PLCB1: variants seen among roughly 807,000 people sequenced by gnomAD.
PLCB1 encodes the protein phospholipase C beta 1.
In PLCB1, 46 loss-of-function variants were observed where a neutral mutation model predicts 161.8. That is an observed-to-expected ratio of 0.28 (90% CI 0.22 to 0.36). The LOEUF (loss-of-function observed/expected upper bound fraction) is 0.36, where lower values mean the gene tolerates loss of function less well. PLCB1 is among the 10% of genes least tolerant of loss of function. The pLI, the probability that PLCB1 is intolerant of heterozygous loss-of-function variation, is 1.00. For missense variants in PLCB1, 1,016 were observed against 1,472.5 expected (o/e 0.69, Z 5.07); for synonymous variants, 517 against 503.7 (o/e 1.03, Z -0.35).
chr20:8,231,958 A>G (rs1980063719), intron 2 of PLCB1, among the ~76,000 whole-genome samples: 1 of 152,204 alleles, frequency 6.6e-6, no homozygotes, highest in African/African-American at 2.4e-5. Context: ...TATTTTATAT[A>G]GCTTTTAGCT....
At chr20:8,366,119 C>A (rs568640076) in intron 2 of PLCB1, among the ~76,000 whole-genome samples, 8 of 151,984 alleles carry the variant, frequency 5.3e-5, no homozygotes, top group South Asian at 4.2e-4. Context: ...TGTTAAATAC[C>A]CAAAACCCAT....
At chr20:8,332,356 C>G (rs750741273) in intron 2 of PLCB1, among the ~76,000 whole-genome samples, 1 of 152,130 alleles carries the variant, frequency 6.6e-6, no homozygotes, top group Non-Finnish European at 1.5e-5. Flanking sequence ...TGCAAACAGG[C>G]TAAGGTGGAA....
At chr20:8,193,118 A>G (rs2051986904) in intron 2 of PLCB1, among the ~76,000 whole-genome samples, 1 of 151,998 alleles carries the variant, frequency 6.6e-6, no homozygotes, top group African/African-American at 2.4e-5. Context: ...TATTAACTTG[A>G]CACGTATTTT....
intron 3 of PLCB1, chr20:8,371,841 G>A (rs1195693901): frequency 1.2e-5 from 2 of 162,888 alleles, no homozygotes; most frequent in Non-Finnish European, 2.7e-5. Context: ...GAAATGCTCT[G>A]CAATTGAAAT....
intron 2 of PLCB1, among the ~76,000 whole-genome samples, chr20:8,352,921 G>C (rs1038755988): frequency 6.6e-6 from 1 of 152,108 alleles, no homozygotes; most frequent in Non-Finnish European, 1.5e-5. Context: ...ACATGCAGAT[G>C]GATGAATATA....
chr20:8,438,286 AC>A (rs1980399147), intron 3 of PLCB1, among the ~76,000 whole-genome samples: 1 of 152,222 alleles, frequency 6.6e-6, no homozygotes, highest in African/African-American at 2.4e-5. Flanking sequence ...CATATTATAT[AC>A]ATACCTAAAT....
intron 3 of PLCB1, among the ~76,000 whole-genome samples, chr20:8,428,976 A>G (rs541477093): frequency 6.6e-6 from 1 of 152,224 alleles, no homozygotes; most frequent in East Asian, 1.9e-4. Flanking sequence ...TTCAGGTGCC[A>G]TTGGAGGTTT....
intron 2 of PLCB1, among the ~76,000 whole-genome samples, chr20:8,274,927 T>C (rs938143658): frequency 6.6e-6 from 1 of 152,150 alleles, no homozygotes; most frequent in African/African-American, 2.4e-5. Context: ...GTCTTCTCTT[T>C]ATTTTCCTCT....
At chr20:8,329,608 C>T (rs1985291563) in intron 2 of PLCB1, among the ~76,000 whole-genome samples, 1 of 152,176 alleles carries the variant, frequency 6.6e-6, no homozygotes, top group Admixed American at 6.5e-5. Context: ...GCTGAAGCTA[C>T]CATATCTTTG....
chr20:8,716,138 A>C (rs771342107), intron 12 of PLCB1, 126 bp from the exon 13 acceptor site: 9 of 690,906 alleles, frequency 1.3e-5, no homozygotes, highest in Non-Finnish European at 2.3e-5. Flanking sequence ...AGGATGATAA[A>C]AACCAATCCT....
intron 2 of PLCB1, among the ~76,000 whole-genome samples, chr20:8,228,596 C>G (rs138352527): frequency 1.1e-4 from 17 of 152,154 alleles, no homozygotes; most frequent in African/African-American, 3.6e-4. Context: ...CAGCCTTGAC[C>G]TCCCTGGCTT....
chr20:8,220,315 C>T (rs2123161680), intron 2 of PLCB1, among the ~76,000 whole-genome samples: 1 of 152,182 alleles, frequency 6.6e-6, no homozygotes, highest in South Asian at 2.1e-4. Context: ...ACAACAGAAT[C>T]AGATTAGGGC....
chr20:8,426,372 G>A (rs73090279), intron 3 of PLCB1, among the ~76,000 whole-genome samples: 1,905 of 152,280 alleles, frequency 0.013, 15 homozygotes, highest in Non-Finnish European at 0.02. Flanking sequence ...GCAGAAAACC[G>A]ACCACGCGCA....
chr20:8,478,510 T>C (rs1045069190), intron 3 of PLCB1, among the ~76,000 whole-genome samples: 11 of 152,124 alleles, frequency 7.2e-5, no homozygotes, highest in Admixed American at 2.6e-4. Context: ...AATATACATA[T>C]ATAAATAACA....
chr20:8,174,701 C>G (rs1459662554), intron 2 of PLCB1, among the ~76,000 whole-genome samples: 1 of 152,114 alleles, frequency 6.6e-6, no homozygotes, highest in Non-Finnish European at 1.5e-5. Flanking sequence ...GATTTCCACT[C>G]TTCAGCTGAA....
intron 26 of PLCB1, 81 bp from the exon 27 acceptor site, chr20:8,774,458 A>G (rs1447018784): frequency 7.5e-7 from 1 of 1,340,014 alleles, no homozygotes; most frequent in Non-Finnish European, 1.0e-6. Flanking sequence ...AACTTTCTCT[A>G]GGAGGAATTC....
At chr20:8,656,459 T>C (rs1280288548) in intron 7 of PLCB1, among the ~76,000 whole-genome samples, 1 of 152,060 alleles carries the variant, frequency 6.6e-6, no homozygotes, top group Non-Finnish European at 1.5e-5. Flanking sequence ...ATAGGAAGAC[T>C]GCATGAAAAA....
At chr20:8,619,096 G>C (rs186808645) in intron 3 of PLCB1, among the ~76,000 whole-genome samples, 1 of 152,132 alleles carries the variant, frequency 6.6e-6, no homozygotes. Flanking sequence ...TGAACTGGTG[G>C]GAAATTTTCT....
intron 9 of PLCB1, among the ~76,000 whole-genome samples, chr20:8,667,178 A>G (rs1989833023): frequency 6.6e-6 from 1 of 152,218 alleles, no homozygotes; most frequent in Non-Finnish European, 1.5e-5. Context: ...GATGTAGCCA[A>G]TGCTTTCATG....
Sources: gnomAD v4.1 joint callset for allele counts (sites outside exome capture counted in the v4.1 genomes callset) on GRCh38, gnomAD v4.1.1 for gene constraint, MANE v1.5 for transcripts, NCBI Gene and HGNC (gene_info 2026-07-23, HGNC 2026-07-21) for gene names.